COL13A1: variants seen among roughly 807,000 people sequenced by gnomAD.
COL13A1 encodes the protein collagen type XIII alpha 1 chain.
Under a neutral mutation model 130.9 loss-of-function variants are expected in COL13A1, and 89 were observed. The observed-to-expected ratio is 0.68, with a 90% confidence interval of 0.57 to 0.81. The LOEUF is 0.81. Ranked by LOEUF, COL13A1 falls within the 30% of genes least tolerant of loss-of-function variation. The probability of loss-of-function intolerance (pLI) is 0.00; values close to 1 mark genes in which losing one functional copy is unlikely to be tolerated. For synonymous variants in COL13A1, 402 were observed against 341.6 expected, an observed-to-expected ratio of 1.18 and a Z score of -1.95; for missense variants, 879 against 934.6, an observed-to-expected ratio of 0.94 and a Z score of 0.78.
chr10:69,851,047 G>A (rs1197176330), intron 2 of COL13A1, among the ~76,000 whole-genome samples: 2 of 152,228 alleles, frequency 1.3e-5, no homozygotes, highest in African/African-American at 4.8e-5. Context: ...ACAGGGGCCA[G>A]CACATGGGCC....
Position 69,874,130 on chromosome 10 carries a change from G to A in COL13A1, c.400-998G>A, listed in dbSNP as rs147231464. Among the ~76,000 whole-genome samples the A allele has an allele frequency of 3.8e-3, 586 of 152,362 alleles. 2 individuals carry two copies. Among genetic ancestry groups the A allele is most frequent in the African/African-American group, 5.6e-3 (231 of 41,590 alleles). On this transcript the variant is annotated intron_variant, in intron 4 of 40. Transcript: ENST00000645393. Reference sequence around the variant, plus strand: ...GTGAAACATTTTACTCAAAGCCACCGTTGGTCTTGACCTTATGTGTTAATT... The same window carrying A: ...GTGAAACATTTTACTCAAAGCCACCATTGGTCTTGACCTTATGTGTTAATT...
intron 2 of COL13A1, among the ~76,000 whole-genome samples, chr10:69,850,032 C>T (rs542305216): frequency 2.4e-4 from 36 of 152,208 alleles, no homozygotes; most frequent in Non-Finnish European, 4.9e-4. Flanking sequence ...CACATAGTGA[C>T]GGTGACAGAC....
intron 15 of COL13A1, among the ~76,000 whole-genome samples, chr10:69,903,468 C>T (rs2062410971): frequency 6.6e-6 from 1 of 152,130 alleles, no homozygotes; most frequent in African/African-American, 2.4e-5. Context: ...GCCCAGCGGC[C>T]GCCAAGTCAC....
intron 7 of COL13A1, among the ~76,000 whole-genome samples, chr10:69,882,270 G>A (rs964537291): frequency 6.6e-6 from 1 of 151,868 alleles, no homozygotes; most frequent in Non-Finnish European, 1.5e-5. Context: ...TCTATTGTGT[G>A]GATCCTGCTG....
chr10:69,934,692 A>G (rs1157435847), intron 31 of COL13A1, among the ~76,000 whole-genome samples: 1 of 152,244 alleles, frequency 6.6e-6, no homozygotes, highest in Non-Finnish European at 1.5e-5. Flanking sequence ...GAGCTCCTCC[A>G]TCTTCACTGT....
At chr10:69,924,831 G>A in intron 24 of COL13A1, 132 bp from the exon 25 acceptor site, 2 of 820,668 alleles carry the variant, frequency 2.4e-6, no homozygotes, top group Non-Finnish European at 3.5e-6. Context: ...TTCCTGAAGG[G>A]GTGGAACCTG....
At chr10:69,922,018 G>A (rs988913506) in intron 22 of COL13A1, 83 bp downstream of exon 22, 5 of 1,465,020 alleles carry the variant, frequency 3.4e-6, no homozygotes, top group Admixed American at 4.5e-5. Flanking sequence ...ACAGGCCCCA[G>A]CATTGGACGT....
At chr10:69,918,193 C>T (rs2064165862) in intron 18 of COL13A1, 92 bp from the exon 19 acceptor site, 3 of 1,171,142 alleles carry the variant, frequency 2.6e-6, no homozygotes, top group Admixed American at 2.1e-5. Context: ...TCCTTCTCAT[C>T]ACACCATGGG....
At chr10:69,814,029 C>T (rs1843755493) in intron 1 of COL13A1, among the ~76,000 whole-genome samples, 2 of 152,194 alleles carry the variant, frequency 1.3e-5, no homozygotes, top group Admixed American at 6.5e-5. Flanking sequence ...ACATCTGACC[C>T]GGGACCCTGA....
At chr10:69,828,712 C>T (rs1848102753) in intron 2 of COL13A1, among the ~76,000 whole-genome samples, 1 of 152,200 alleles carries the variant, frequency 6.6e-6, no homozygotes, top group Non-Finnish European at 1.5e-5. Flanking sequence ...CACTTGGCCT[C>T]GGCCATGAGT....
intron 10 of COL13A1, among the ~76,000 whole-genome samples, chr10:69,890,862 A>G (rs1459072703): frequency 6.6e-6 from 1 of 152,222 alleles, no homozygotes; most frequent in Non-Finnish European, 1.5e-5. Context: ...ACAGGTGTGG[A>G]AACCAAGGCT....
intron 34 of COL13A1, 25 bp downstream of exon 34, chr10:69,937,740 C>CT: frequency 8.8e-7 from 1 of 1,142,566 alleles, no homozygotes; most frequent in Non-Finnish European, 1.3e-6. Context: ...CCCAGCAAGA[C>CT]TGGTGGGTTT....
chr10:69,875,516 C>T (rs965101824), intron 5 of COL13A1, among the ~76,000 whole-genome samples: 5 of 152,230 alleles, frequency 3.3e-5, no homozygotes, highest in South Asian at 2.1e-4. Context: ...CCAAAGCTGG[C>T]AGCTCACCCT....
chr10:69,918,107 TCTCGTGGCGTCAG>T (rs2064149674), intron 18 of COL13A1, among the ~76,000 whole-genome samples, 165 bp from the exon 19 acceptor site: 1 of 152,016 alleles, frequency 6.6e-6, no homozygotes. Context: ...CAGGGTCCAT[TCTCGTGGCGTCAG>T]CTCAGCGCCC....
intron 4 of COL13A1, among the ~76,000 whole-genome samples, chr10:69,873,914 C>T (rs1490198466): frequency 5.9e-5 from 9 of 152,294 alleles, no homozygotes; most frequent in Admixed American, 4.6e-4. Context: ...AAGCAGATGC[C>T]ATTTATTCAA....
At chr10:69,933,513 G>A (rs2066436558) in intron 31 of COL13A1, among the ~76,000 whole-genome samples, 1 of 152,150 alleles carries the variant, frequency 6.6e-6, no homozygotes, top group African/African-American at 2.4e-5. Flanking sequence ...ATGTTTGGTG[G>A]CGGGGTCTGG....
intron 1 of COL13A1, among the ~76,000 whole-genome samples, chr10:69,809,756 C>T (rs914914152): frequency 2.0e-5 from 3 of 152,276 alleles, no homozygotes; most frequent in Non-Finnish European, 4.4e-5. Context: ...GGCCGTGCCA[C>T]CATCTTTGTT....
chr10:69,812,979 T>G (rs961237903), intron 1 of COL13A1, among the ~76,000 whole-genome samples: 1 of 152,226 alleles, frequency 6.6e-6, no homozygotes, highest in East Asian at 1.9e-4. Context: ...ACAGCTCTGA[T>G]GACAATGGCT....
intron 2 of COL13A1, among the ~76,000 whole-genome samples, chr10:69,835,398 A>G (rs563566544): frequency 1.1e-3 from 171 of 152,200 alleles, no homozygotes; most frequent in African/African-American, 4.0e-3. Context: ...GGACCCACCC[A>G]GGCTGCCCAC....
Sources: gnomAD v4.1 joint callset for allele counts (sites outside exome capture counted in the v4.1 genomes callset) on GRCh38, gnomAD v4.1.1 for gene constraint, MANE v1.5 for transcripts, NCBI Gene and HGNC (gene_info 2026-07-23, HGNC 2026-07-21) for gene names.